Variants in ADK observed in about 807,000 individuals in gnomAD.
ADK encodes the protein adenosine kinase, also known as N6,N6-dimethyladenosine kinase.
A neutral mutation model predicts 44.7 loss-of-function variants in ADK; 24 were observed. The ratio of observed to expected loss-of-function variants is 0.54; its 90% CI spans 0.39 to 0.76. The LOEUF (loss-of-function observed/expected upper bound fraction) is 0.76, where lower values mean the gene tolerates loss of function less well. ADK is among the 30% of genes least tolerant of loss of function. The pLI is 0.00. For synonymous variants in ADK, 128 were observed against 142.6 expected (o/e 0.90, Z 0.73); for missense variants, 321 against 425.1 (o/e 0.76, Z 2.15).
At chr10:74,243,944 A>G (rs1845319839) in intron 3 of ADK, among the ~76,000 whole-genome samples, 1 of 152,172 alleles carries the variant, frequency 6.6e-6, no homozygotes, top group Non-Finnish European at 1.5e-5. Context: ...AACTGTATAG[A>G]TGTATTACCT....
chr10:74,176,853 C>A, intron 1 of ADK: 1 of 1,607,564 alleles, frequency 6.2e-7, no homozygotes, highest in Non-Finnish European at 8.5e-7. Context: ...CGCCGTGGCG[C>A]TGGGCAGGAG....
At chr10:74,180,244 A>ATTT (rs1383452897) in intron 1 of ADK, among the ~76,000 whole-genome samples, 2 of 146,032 alleles carry the variant, frequency 1.4e-5, no homozygotes, top group African/African-American at 5.1e-5. Flanking sequence ...TGTTATTATT[A>ATTT]ATTATTATTT....
At chr10:74,619,041 T>TGTGC (rs1197140416) in intron 9 of ADK, among the ~76,000 whole-genome samples, 2 of 151,528 alleles carry the variant, frequency 1.3e-5, no homozygotes, top group Non-Finnish European at 2.9e-5. Flanking sequence ...TGTGTGTGTG[T>TGTGC]GTGTGTGTGT....
chr10:74,620,142 A>G lies in ADK; in HGVS notation c.877+19649A>G, dbSNP rs923927968. Reference sequence around the variant, plus strand: ...AACATTCAATATCCTCCTTCTCACTATTTGAAACTATGTAATATATTATTG... The same window carrying G: ...AACATTCAATATCCTCCTTCTCACTGTTTGAAACTATGTAATATATTATTG... On this transcript the variant is annotated intron_variant, in intron 9 of 10. Coordinates refer to ENST00000539909, the MANE Select transcript of ADK (RefSeq NM_006721.4). 5.9e-5 allele frequency among the ~76,000 whole-genome samples: 9 copies of G among 152,302 alleles called. No individual in the cohort carries two copies. The South Asian group carries it at 1.7e-3, about 28-fold the overall frequency.
chr10:74,466,879 A>AT (rs1846375969), intron 6 of ADK, among the ~76,000 whole-genome samples: 1 of 152,176 alleles, frequency 6.6e-6, no homozygotes, highest in Non-Finnish European at 1.5e-5. Context: ...TGGTATTTAT[A>AT]TACAACAAAT....
At chr10:74,157,639 G>A (rs758293978) in intron 1 of ADK, among the ~76,000 whole-genome samples, 6 of 151,662 alleles carry the variant, frequency 4.0e-5, no homozygotes, top group Non-Finnish European at 8.8e-5. Context: ...AGTACTTTGG[G>A]AGGCCAAGGC....
chr10:74,707,055 A>G (rs1220252599), intron 10 of ADK, among the ~76,000 whole-genome samples: 1 of 152,150 alleles, frequency 6.6e-6, no homozygotes, highest in African/African-American at 2.4e-5. Context: ...TTTGTTTTTG[A>G]GACAGGGTCC....
intron 6 of ADK, among the ~76,000 whole-genome samples, chr10:74,400,443 G>A (rs1564699757): frequency 1.3e-5 from 2 of 152,276 alleles, no homozygotes; most frequent in South Asian, 2.1e-4. Context: ...ATAACTAAGA[G>A]CATAATTCGT....
At chr10:74,210,609 TA>T (rs941671164) in intron 2 of ADK, among the ~76,000 whole-genome samples, 3 of 152,116 alleles carry the variant, frequency 2.0e-5, no homozygotes, top group African/African-American at 7.2e-5. Flanking sequence ...CACTCCATCC[TA>T]GGCAATATAG....
intron 9 of ADK, among the ~76,000 whole-genome samples, chr10:74,623,020 CA>C (rs1380003056): frequency 6.6e-6 from 1 of 151,850 alleles, no homozygotes; most frequent in African/African-American, 2.4e-5. Context: ...AAACAAAAAA[CA>C]AAAAACAAAA....
At chr10:74,474,446 TTTC>T (rs1395703729) in intron 6 of ADK, among the ~76,000 whole-genome samples, 1 of 151,894 alleles carries the variant, frequency 6.6e-6, no homozygotes, top group Non-Finnish European at 1.5e-5. Flanking sequence ...CTTTTCTTTC[TTTC>T]TTTTCTTTTC....
intron 4 of ADK, among the ~76,000 whole-genome samples, chr10:74,346,940 C>T (rs1841786357): frequency 1.3e-5 from 2 of 151,850 alleles, no homozygotes; most frequent in Middle Eastern, 3.4e-3. Context: ...GAAACCCTGT[C>T]TCTACTAAAA....
intron 7 of ADK, among the ~76,000 whole-genome samples, chr10:74,543,090 C>T (rs918134222): frequency 3.2e-4 from 49 of 151,820 alleles, no homozygotes; most frequent in Non-Finnish European, 1.2e-4. Flanking sequence ...TTAGTAAAGA[C>T]GGGGTTTCAC....
intron 9 of ADK, among the ~76,000 whole-genome samples, chr10:74,667,273 A>G (rs1023520646): frequency 1.3e-5 from 2 of 152,196 alleles, no homozygotes; most frequent in African/African-American, 4.8e-5. Flanking sequence ...TTTAGATAAT[A>G]GAAAATAATG....
At chr10:74,219,311 A>C (rs1844194376) in intron 2 of ADK, among the ~76,000 whole-genome samples, 1 of 152,140 alleles carries the variant, frequency 6.6e-6, no homozygotes, top group Non-Finnish European at 1.5e-5. Flanking sequence ...TTCAACAAGA[A>C]GAGCTAACTA....
In ADK at chr10:74,598,551, G is replaced by A. The variant is rs546066467; in HGVS notation, c.763-1828G>A. 3.4e-5 allele frequency among the ~76,000 whole-genome samples: 5 copies of A among 145,528 alleles called. 1 individual carries two copies. Among genetic ancestry groups the A allele is most frequent in the African/African-American group, 1.3e-4 (5 of 39,470 alleles). ...TGCAACCTCTGCCTCCTGGGTTCAA[G>A]CGATTCTCCTGCCTCAGCCCTCCCA... On this transcript the variant is annotated intron_variant, in intron 8 of 10. Coordinates refer to ENST00000539909, the MANE Select transcript of ADK (RefSeq NM_006721.4).
chr10:74,389,567 C>T (rs915443186), intron 4 of ADK, among the ~76,000 whole-genome samples: 12 of 150,104 alleles, frequency 8.0e-5, no homozygotes, highest in East Asian at 2.0e-4. Flanking sequence ...AAGCAGTTAA[C>T]GTGGCTTTTT....
intron 9 of ADK, among the ~76,000 whole-genome samples, chr10:74,603,344 G>A (rs1463848717): frequency 1.3e-5 from 2 of 151,984 alleles, no homozygotes; most frequent in Non-Finnish European, 2.9e-5. Flanking sequence ...TGCCATGGTG[G>A]TTTCCTGCAC....
At chr10:74,553,236 CTG>C (rs1302330026) in intron 7 of ADK, among the ~76,000 whole-genome samples, 1 of 113,890 alleles carries the variant, frequency 8.8e-6, no homozygotes, top group African/African-American at 3.3e-5. Context: ...GAGTCTCACT[CTG>C]TCACCAGGCT....
Sources: gnomAD v4.1 joint callset for allele counts (sites outside exome capture counted in the v4.1 genomes callset) on GRCh38, gnomAD v4.1.1 for gene constraint, MANE v1.5 for transcripts, NCBI Gene and HGNC (gene_info 2026-07-23, HGNC 2026-07-21) for gene names.